RSU1: variants seen among roughly 807,000 people sequenced by gnomAD.
RSU1 encodes the protein rsu-1.
In RSU1, 26 loss-of-function variants were observed where a neutral mutation model predicts 31.1. The observed-to-expected ratio is 0.84, with a 90% confidence interval of 0.61 to 1.16. The LOEUF (loss-of-function observed/expected upper bound fraction) is 1.16, where lower values mean the gene tolerates loss of function less well. RSU1 is among the 50% of genes most tolerant of loss of function. RSU1 has a pLI of 0.00. For synonymous variants in RSU1, 164 were observed against 136.3 expected, an observed-to-expected ratio of 1.20 and a Z score of -1.41; for missense variants, 320 against 339.1, an observed-to-expected ratio of 0.94 and a Z score of 0.44.
intron 2 of RSU1, among the ~76,000 whole-genome samples, chr10:16,802,725 G>A (rs1399362756): frequency 9.8e-6 from 1 of 102,234 alleles, no homozygotes; most frequent in Non-Finnish European, 2.2e-5. Flanking sequence ...GTATGCAAAG[G>A]TGGTTCAAAT....
chr10:16,764,364 A>G (rs1273417076), intron 4 of RSU1, 26 bp downstream of exon 4: 1 of 1,598,152 alleles, frequency 6.3e-7, no homozygotes, highest in African/African-American at 1.3e-5. Flanking sequence ...CTTCCTCTCC[A>G]TCCTTTCCGC....
intron 2 of RSU1, among the ~76,000 whole-genome samples, chr10:16,805,810 G>A (rs1445843464): frequency 6.6e-6 from 1 of 151,884 alleles, no homozygotes; most frequent in Admixed American, 6.6e-5. Flanking sequence ...GAGACTGTGA[G>A]ATATTCCAAT....
intron 2 of RSU1, among the ~76,000 whole-genome samples, chr10:16,788,757 G>C (rs1216714852): frequency 6.6e-6 from 1 of 152,170 alleles, no homozygotes; most frequent in Non-Finnish European, 1.5e-5. Context: ...TCCTCCTTCA[G>C]GACACTTCCA....
At chr10:16,764,130 A>G (rs968007793) in intron 4 of RSU1, among the ~76,000 whole-genome samples, 1 of 152,220 alleles carries the variant, frequency 6.6e-6, no homozygotes, top group Non-Finnish European at 1.5e-5. Flanking sequence ...ATAAAATTTT[A>G]CTGGACAGAA....
chr10:16,696,072 T>C (rs1835668796), intron 7 of RSU1, among the ~76,000 whole-genome samples: 2 of 152,180 alleles, frequency 1.3e-5, no homozygotes, highest in South Asian at 4.1e-4. Context: ...CGCTCGCCTA[T>C]GAAAGCAAGA....
At chr10:16,676,843 G>A (rs956730066) in intron 8 of RSU1, among the ~76,000 whole-genome samples, 5 of 152,310 alleles carry the variant, frequency 3.3e-5, no homozygotes, top group East Asian at 1.9e-4. Context: ...ATCAGAGGGT[G>A]TATCTAGCAG....
rs1045983218 is a variant in RSU1, at chr10:16,817,311, T to A, written c.-4+4A>T. ...ACCCCAAGTGCAACACCGCACACAC[T>A]CACCACGGAAGGTAGCCCCTAAGAC... is the stretch of plus-strand genomic sequence containing the variant. On this transcript the variant is annotated splice_donor_region_variant and intron_variant, in intron 1 of 8. Transcript: ENST00000345264. 9.4e-6 allele frequency: 5 copies of A among 530,866 alleles called. No homozygotes were observed. The highest frequency in any genetic ancestry group is 1.7e-5 in the Non-Finnish European group (5 of 295,480). 32.9% of individuals were successfully genotyped at this position (530,866 alleles called of 1,614,324 possible).
intron 8 of RSU1, among the ~76,000 whole-genome samples, chr10:16,687,867 G>A (rs929026356): frequency 6.6e-6 from 1 of 152,008 alleles, no homozygotes; most frequent in Admixed American, 6.5e-5. Flanking sequence ...CTACAGGCAT[G>A]TGCCACCATG....
At position 16,754,897 on chromosome 10, in the gene RSU1, G is replaced by T; in HGVS notation, c.374C>A (p.Ser125Tyr). Residue 125 changes from serine (S) to tyrosine (Y), a missense_variant, in exon 5 of 9, where the codon TCT (serine) becomes TAT (tyrosine). Transcript: ENST00000345264. ...CAGGTAGAAGAAGTTTCCAGGAAGA[G>T]AATTTTCGCTCAAGTTGTTGTACGT... ...DLTYNNLSEN[S>Y]LPGNFFYLTT... 1 of 1,611,886 alleles carries T rather than the reference G, an allele frequency of 6.2e-7. No individual in the cohort carries two copies. Among genetic ancestry groups the T allele is most frequent in the Non-Finnish European group, 8.5e-7 (1 of 1,178,384 alleles).
chr10:16,705,469 TTTTTG>T (rs979445790), intron 7 of RSU1, among the ~76,000 whole-genome samples: 1 of 152,084 alleles, frequency 6.6e-6, no homozygotes, highest in African/African-American at 2.4e-5. Context: ...TGTTCTGCTA[TTTTTG>T]TTTTTTTTCC....
intron 7 of RSU1, among the ~76,000 whole-genome samples, chr10:16,728,659 C>T (rs150653992): frequency 1.3e-5 from 2 of 152,136 alleles, no homozygotes; most frequent in East Asian, 1.9e-4. Context: ...GGGACTTTGT[C>T]GAAGTGGATA....
chr10:16,699,581 T>C (rs1414915751), intron 7 of RSU1, among the ~76,000 whole-genome samples: 1 of 152,172 alleles, frequency 6.6e-6, no homozygotes, highest in Non-Finnish European at 1.5e-5. Context: ...GTGCGTTGAG[T>C]TAGGAGCCCT....
Position 16,695,043 on chromosome 10 carries a change from G to C in RSU1, c.711C>G (p.Ile237Met). Residue 237 changes from isoleucine to methionine, a missense_variant, in exon 8 of 9, where the codon ATC (isoleucine) becomes ATG (methionine). Physicochemically the swap from Ile to Met is conservative, Grantham distance 10. Coordinates refer to ENST00000345264, the MANE Select transcript of RSU1 (RefSeq NM_012425.4). Reference protein sequence around the residue: ...QLGVSHVFEYIRSETYKYLYG... With the variant: ...QLGVSHVFEYMRSETYKYLYG... ...CTTACTATTTGTATGTCTCAGAACG[G>C]ATATACTCAAAAACATGGGACACGC... 6.2e-7 allele frequency: 1 copy of C among 1,613,016 alleles called. No homozygotes were observed.
intron 8 of RSU1, among the ~76,000 whole-genome samples, chr10:16,638,120 T>C (rs1834377856): frequency 6.6e-6 from 1 of 152,156 alleles, no homozygotes; most frequent in African/African-American, 2.4e-5. Context: ...TGATTTAGAT[T>C]TATATATTTT....
intron 7 of RSU1, among the ~76,000 whole-genome samples, chr10:16,702,820 G>T (rs951069127): frequency 6.6e-6 from 1 of 152,158 alleles, no homozygotes; most frequent in Admixed American, 6.6e-5. Flanking sequence ...ATTATATTTT[G>T]CAATGTAAGA....
At chr10:16,609,025 G>A (rs1833851025) in intron 8 of RSU1, among the ~76,000 whole-genome samples, 1 of 151,608 alleles carries the variant, frequency 6.6e-6, no homozygotes, top group Non-Finnish European at 1.5e-5. Flanking sequence ...TAGAGATAGG[G>A]CCTTGCTATA....
At chr10:16,623,716 T>G (rs531318710) in intron 8 of RSU1, among the ~76,000 whole-genome samples, 1 of 152,356 alleles carries the variant, frequency 6.6e-6, no homozygotes, top group African/African-American at 2.4e-5. Flanking sequence ...ACAGCCATTC[T>G]GACTGGTGTG....
At chr10:16,741,787 C>G (rs888068383) in intron 7 of RSU1, among the ~76,000 whole-genome samples, 2 of 152,106 alleles carry the variant, frequency 1.3e-5, no homozygotes, top group Non-Finnish European at 2.9e-5. Context: ...AGCAGGAAAC[C>G]AGTTGAAAGG....
chr10:16,705,512 C>T (rs1425009544), intron 7 of RSU1, among the ~76,000 whole-genome samples: 1 of 151,896 alleles, frequency 6.6e-6, no homozygotes, highest in Non-Finnish European at 1.5e-5. Context: ...TTTTTTGAGA[C>T]AGAGTCTCGC....
Sources: allele counts gnomAD v4.1 joint callset (sites outside exome capture counted in the v4.1 genomes callset), GRCh38; gene constraint gnomAD v4.1.1; transcripts MANE v1.5; gene names NCBI Gene and HGNC (gene_info 2026-07-23, HGNC 2026-07-21).